Variants in PTPRG observed in about 807,000 individuals in gnomAD.
PTPRG encodes the protein protein tyrosine phosphatase receptor type G.
PTPRG carries 102 observed loss-of-function variants against 165.3 expected under a neutral mutation model. The observed-to-expected ratio is 0.62, with a 90% confidence interval of 0.53 to 0.73. The LOEUF is 0.73. Among genes scored for constraint, PTPRG ranks in the 30% least tolerant of loss-of-function variants. The probability of loss-of-function intolerance (pLI) is 0.00; values close to 1 mark genes in which losing one functional copy is unlikely to be tolerated. For synonymous variants in PTPRG, 675 were observed against 669.5 expected, an observed-to-expected ratio of 1.01 and a Z score of -0.13; for missense variants, 1,866 against 1,861.4, an observed-to-expected ratio of 1.00 and a Z score of -0.05.
At chr3:61,868,431 C>G (rs2037470844) in intron 2 of PTPRG, among the ~76,000 whole-genome samples, 1 of 152,186 alleles carries the variant, frequency 6.6e-6, no homozygotes, top group Non-Finnish European at 1.5e-5. Context: ...CTGCCCCCTG[C>G]CCCCAGCTCC....
intron 1 of PTPRG, among the ~76,000 whole-genome samples, chr3:61,709,900 T>A (rs2031463571): frequency 6.6e-6 from 1 of 152,140 alleles, no homozygotes; most frequent in African/African-American, 2.4e-5. Flanking sequence ...CAACATAGAT[T>A]GCTGGGCCTT....
intron 1 of PTPRG, among the ~76,000 whole-genome samples, chr3:61,679,327 G>T (rs1703347217): frequency 6.6e-6 from 1 of 152,154 alleles, no homozygotes; most frequent in South Asian, 2.1e-4. Flanking sequence ...TGCATGCTAG[G>T]GTTTTGAGAA....
Position 62,254,595 on chromosome 3 carries a change from G to C in PTPRG, c.2468-529G>C, listed in dbSNP as rs1342103126. Among the ~76,000 whole-genome samples the C allele has an allele frequency of 6.6e-6, 1 of 151,928 alleles. No homozygotes were observed. The highest frequency in any genetic ancestry group is 1.9e-4 in the East Asian group (1 of 5,178). On this transcript the variant is annotated intron_variant, in intron 15 of 29. Coordinates refer to ENST00000474889, the MANE Select transcript of PTPRG (RefSeq NM_002841.4). This position sits in a 1 kb window ranked among gnomAD's most constrained non-coding sequence, Gnocchi z 4.6. ...AAATTTTGAACACTTAAAGATAGAT[G>C]GCATTGTACCCAGAGCCAGCTGGTA... is the stretch of plus-strand genomic sequence containing the variant.
chr3:62,054,928 A>G (rs994865777), intron 4 of PTPRG, among the ~76,000 whole-genome samples: 1 of 152,214 alleles, frequency 6.6e-6, no homozygotes, highest in African/African-American at 2.4e-5. Context: ...CACCACTTCC[A>G]TGTTTCCATG....
intron 2 of PTPRG, among the ~76,000 whole-genome samples, chr3:61,834,466 T>C (rs1050725142): frequency 6.6e-6 from 1 of 151,918 alleles, no homozygotes; most frequent in Non-Finnish European, 1.5e-5. Flanking sequence ...GAGGCTGAGG[T>C]GGGAGGATCG....
chr3:62,126,744 C>G (rs976164485), intron 5 of PTPRG, among the ~76,000 whole-genome samples: 2 of 152,258 alleles, frequency 1.3e-5, no homozygotes, highest in African/African-American at 4.8e-5. Flanking sequence ...GGTTACTCAT[C>G]TTTATCGGGA....
At chr3:62,135,054 C>T (rs1703656071) in intron 6 of PTPRG, among the ~76,000 whole-genome samples, 1 of 152,098 alleles carries the variant, frequency 6.6e-6, no homozygotes, top group Non-Finnish European at 1.5e-5. Flanking sequence ...GGGTGAATCA[C>T]TTGAGCCCAG....
intron 6 of PTPRG, among the ~76,000 whole-genome samples, chr3:62,136,067 G>C (rs1360044883): frequency 6.6e-6 from 1 of 152,134 alleles, no homozygotes; most frequent in African/African-American, 2.4e-5. Flanking sequence ...GATCTCAGGG[G>C]TGCACGCTTA....
chr3:61,695,881 T>C (rs757159039), intron 1 of PTPRG, among the ~76,000 whole-genome samples: 45 of 152,220 alleles, frequency 3.0e-4, no homozygotes, highest in Admixed American at 4.6e-4. Flanking sequence ...GTATACTATA[T>C]ACTAAATATA....
At chr3:61,622,688 T>C (rs1701497582) in intron 1 of PTPRG, among the ~76,000 whole-genome samples, 1 of 152,210 alleles carries the variant, frequency 6.6e-6, no homozygotes, top group East Asian at 1.9e-4. Flanking sequence ...TTTTCGTGTC[T>C]TTTGGAATCT....
At chr3:62,283,250 G>T (rs1702519329) in intron 28 of PTPRG, among the ~76,000 whole-genome samples, 1 of 151,898 alleles carries the variant, frequency 6.6e-6, no homozygotes, top group African/African-American at 2.4e-5. Flanking sequence ...CACTTGTTAG[G>T]GAAATAACCT....
At position 62,271,384 on chromosome 3, in the gene PTPRG, G is replaced by A; in HGVS notation, c.3011G>A (p.Gly1004Asp). The A allele has an allele frequency of 5.6e-6, 9 of 1,598,652 alleles. No homozygotes were observed. In the South Asian group the frequency reaches 9.1e-5, roughly 16 times the overall value. Reference sequence around the variant, plus strand: ...CATCTTTTTTCACTTTTCTCACAGGGTCAGAAGGGAAATCCCAAGGGTCGT... The same window carrying A: ...CATCTTTTTTCACTTTTCTCACAGGATCAGAAGGGAAATCCCAAGGGTCGT... The part of the protein sequence containing the change: ...FSIRNTKVKK[G>D]QKGNPKGRQN... The change falls in exon 21 of 30, where the codon GGT becomes GAT. Residue 1004 changes from glycine to aspartate, a missense_variant and splice_region_variant. Gly to Asp is a moderately conservative substitution (Grantham distance 94). Coordinates refer to ENST00000474889, the MANE Select transcript of PTPRG (RefSeq NM_002841.4). The surrounding 1 kb of genome is among the most constrained non-coding windows in gnomAD (Gnocchi z 4.1).
intron 2 of PTPRG, among the ~76,000 whole-genome samples, chr3:61,794,155 C>T (rs1461726638): frequency 6.6e-6 from 1 of 152,026 alleles, no homozygotes; most frequent in Non-Finnish European, 1.5e-5. Context: ...CTGTCTTTCC[C>T]ATTACTTTCC....
chr3:61,591,754 T>C (rs556411014), intron 1 of PTPRG, among the ~76,000 whole-genome samples: 1 of 152,096 alleles, frequency 6.6e-6, no homozygotes, highest in South Asian at 2.1e-4. Context: ...GTGGTTGGGG[T>C]TGGGGACATG....
intron 5 of PTPRG, among the ~76,000 whole-genome samples, chr3:62,081,101 C>T (rs912923532): frequency 2.4e-4 from 36 of 151,384 alleles, no homozygotes; most frequent in Admixed American, 8.6e-4. Context: ...ACTAAAAATA[C>T]AAAAAATTAG....
intron 8 of PTPRG, among the ~76,000 whole-genome samples, chr3:62,185,744 A>T (rs1576109653): frequency 6.6e-6 from 1 of 152,188 alleles, no homozygotes; most frequent in Admixed American, 6.5e-5. Context: ...TGGGCCATAG[A>T]GTGTGTCCAC....
chr3:62,205,826 A>G (rs1360744547), intron 12 of PTPRG, among the ~76,000 whole-genome samples: 2 of 152,172 alleles, frequency 1.3e-5, no homozygotes, highest in African/African-American at 4.8e-5. Context: ...ATGAGAAACC[A>G]GGGTAGATCT....
intron 1 of PTPRG, among the ~76,000 whole-genome samples, chr3:61,619,368 A>G (rs780947839): frequency 2.2e-4 from 34 of 152,224 alleles, no homozygotes; most frequent in South Asian, 1.9e-3. Flanking sequence ...GGGAGGGTTA[A>G]TAGTTTTGTT....
At chr3:61,930,307 A>C (rs1255235048) in intron 2 of PTPRG, among the ~76,000 whole-genome samples, 1 of 152,206 alleles carries the variant, frequency 6.6e-6, no homozygotes, top group Non-Finnish European at 1.5e-5. Flanking sequence ...CATACCCTCA[A>C]GGGTGACTTT....
Sources: gnomAD v4.1 joint callset for allele counts (sites outside exome capture counted in the v4.1 genomes callset) on GRCh38, gnomAD v4.1.1 for gene constraint, Gnocchi (gnomAD v3.1) non-coding constraint, MANE v1.5 for transcripts, NCBI Gene and HGNC (gene_info 2026-07-23, HGNC 2026-07-21) for gene names.